SMAD1: variants seen among roughly 807,000 people sequenced by gnomAD.
The protein encoded by SMAD1 is MAD, mothers against decapentaplegic homolog 1.
A neutral mutation model predicts 41.6 loss-of-function variants in SMAD1; 6 were observed. That is an observed-to-expected ratio of 0.14 (90% CI 0.08 to 0.28). SMAD1 has a LOEUF of 0.28. SMAD1 is among the 10% of genes least tolerant of loss of function. SMAD1 has a pLI of 1.00. For synonymous variants in SMAD1, 206 were observed against 203.2 expected (o/e 1.01, Z -0.12); for missense variants, 379 against 582.6 (o/e 0.65, Z 3.60).
chr4:145,533,215 G>A (rs1242722359), intron 2 of SMAD1, among the ~76,000 whole-genome samples: 1 of 152,210 alleles, frequency 6.6e-6, no homozygotes, highest in Non-Finnish European at 1.5e-5. Flanking sequence ...AGCTGTTCCA[G>A]ACCTGTCTCT....
At chr4:145,509,684 A>G (rs190142181) in intron 1 of SMAD1, among the ~76,000 whole-genome samples, 1 of 152,296 alleles carries the variant, frequency 6.6e-6, no homozygotes, top group East Asian at 1.9e-4. Context: ...TCTTTTGCAA[A>G]ACTAACCTTT....
chr4:145,510,979 TCTTA>T (rs1730044584), intron 1 of SMAD1, among the ~76,000 whole-genome samples: 1 of 152,194 alleles, frequency 6.6e-6, no homozygotes, highest in Non-Finnish European at 1.5e-5. Flanking sequence ...TGGTGATACC[TCTTA>T]CTTTTGAAGT....
chr4:145,495,012 G>T (rs936043254), intron 1 of SMAD1, among the ~76,000 whole-genome samples: 2 of 152,174 alleles, frequency 1.3e-5, no homozygotes, highest in Non-Finnish European at 2.9e-5. Context: ...ATAGAAAGCT[G>T]TTGAGGCCTG....
chr4:145,543,870 T>C (rs1732092267), intron 4 of SMAD1, among the ~76,000 whole-genome samples: 1 of 152,224 alleles, frequency 6.6e-6, no homozygotes, highest in African/African-American at 2.4e-5. Flanking sequence ...ATAATGTTTA[T>C]GCAAATTGAA....
intron 2 of SMAD1, among the ~76,000 whole-genome samples, chr4:145,530,245 G>A (rs1276596248): frequency 2.0e-5 from 3 of 152,150 alleles, no homozygotes; most frequent in African/African-American, 7.2e-5. Context: ...TTTCTACCAG[G>A]GGTGGATAGA....
chr4:145,489,908 A>G (rs907150754), intron 1 of SMAD1, among the ~76,000 whole-genome samples: 6 of 152,190 alleles, frequency 3.9e-5, no homozygotes, highest in African/African-American at 1.2e-4. Flanking sequence ...AGGCTGTTTG[A>G]CATAGACCAA....
rs768015552 is a variant in SMAD1 at position 145,542,645 on chromosome 4, C to G, written c.722C>G (p.Pro241Arg). 6.2e-7 allele frequency: 1 copy of G among 1,613,662 alleles called. No homozygotes were observed. The highest frequency in any genetic ancestry group is 8.5e-7 in the Non-Finnish European group (1 of 1,179,822). Residue 241 changes from proline (P) to arginine (R), a missense_variant, in exon 4 of 7, where the codon CCG becomes CGG. Pro to Arg is a moderately radical substitution (Grantham distance 103). Transcript: ENST00000302085. Reference protein sequence around the residue: ...EDPMTQDGSQPMDTNMMAPPL... With the variant: ...EDPMTQDGSQRMDTNMMAPPL... Reference sequence around the variant, plus strand: ...CCCATGACCCAGGATGGCTCTCAGCCGATGGACACAAACATGATGGCGCCT... The same window carrying G: ...CCCATGACCCAGGATGGCTCTCAGCGGATGGACACAAACATGATGGCGCCT...
intron 2 of SMAD1, among the ~76,000 whole-genome samples, chr4:145,523,164 A>G (rs894489327): frequency 6.6e-6 from 1 of 152,246 alleles, no homozygotes; most frequent in Non-Finnish European, 1.5e-5. Flanking sequence ...AAAGCACATG[A>G]TAAACTAACT....
intron 4 of SMAD1, among the ~76,000 whole-genome samples, chr4:145,543,022 T>G (rs547403093): frequency 1.9e-4 from 29 of 152,056 alleles, no homozygotes; most frequent in Non-Finnish European, 3.7e-4. Flanking sequence ...TCACCCAGGC[T>G]GGAGCACGAT....
chr4:145,485,483 T>C (rs1728438804), intron 1 of SMAD1, among the ~76,000 whole-genome samples: 1 of 152,214 alleles, frequency 6.6e-6, no homozygotes, highest in African/African-American at 2.4e-5. Context: ...GCTGCCATAC[T>C]GGACAGCGTG....
chr4:145,515,134 C>T, intron 2 of SMAD1, 121 bp downstream of exon 2: 4 of 534,506 alleles, frequency 7.5e-6, no homozygotes, highest in Non-Finnish European at 1.2e-5. Context: ...TTTGGGGAAA[C>T]TGTGTGTGTG....
chr4:145,480,943 T>C (rs372952026), upstream of SMAD1, among the ~76,000 whole-genome samples: 187 of 147,470 alleles, frequency 1.3e-3, no homozygotes, highest in African/African-American at 4.7e-3. Context: ...TTTTGCTTCA[T>C]GTGAAATTTA....
At position 145,481,971 on chromosome 4, in the gene SMAD1, C is replaced by T; in HGVS notation, c.-244C>T. 6.6e-6 allele frequency: 1 copy of T among 152,196 alleles called. No homozygotes were observed. Among genetic ancestry groups the T allele is most frequent in the Non-Finnish European group, 1.5e-5 (1 of 68,078 alleles). The allele number at this position is 152,196 out of a possible 1,614,324, so 9.4% of individuals were successfully genotyped here. ...GTGGCGCAGCGCCCGGCCGTCCGGA[C>T]CCGGGCCGCGAGACCCCGCTCGCCC... is the stretch of plus-strand genomic sequence containing the variant. On this transcript the variant is annotated 5_prime_UTR_variant, in exon 1 of 7. Coordinates refer to ENST00000302085, the MANE Select transcript of SMAD1 (RefSeq NM_005900.3).
chr4:145,515,141 T>A (rs539586240), intron 2 of SMAD1, 128 bp downstream of exon 2: 26 of 578,664 alleles, frequency 4.5e-5, no homozygotes, highest in East Asian at 4.4e-4. Flanking sequence ...AAACTGTGTG[T>A]GTGTGTGTGT....
intron 2 of SMAD1, among the ~76,000 whole-genome samples, chr4:145,529,650 G>A (rs1731218057): frequency 6.6e-6 from 1 of 152,154 alleles, no homozygotes; most frequent in Non-Finnish European, 1.5e-5. Context: ...ATGTCATTTG[G>A]ATTTATATCT....
chr4:145,522,089 C>T (rs866322697), intron 2 of SMAD1, among the ~76,000 whole-genome samples: 3 of 149,852 alleles, frequency 2.0e-5, no homozygotes, highest in Admixed American at 6.6e-5. Context: ...GGGCGGATCA[C>T]GAGGTGACCA....
chr4:145,498,469 G>A (rs1246466163), intron 1 of SMAD1, among the ~76,000 whole-genome samples: 2 of 152,058 alleles, frequency 1.3e-5, no homozygotes, highest in African/African-American at 4.8e-5. Context: ...GAGCCATGTA[G>A]AAATAACTCT....
At chr4:145,525,804 A>G (rs1480398320) in intron 2 of SMAD1, 4 of 152,370 alleles carry the variant, frequency 2.6e-5, no homozygotes, top group Admixed American at 6.5e-5. Context: ...ACATAAAACT[A>G]TGTAACTAGA....
chr4:145,516,216 A>G (rs1224265871), intron 2 of SMAD1, among the ~76,000 whole-genome samples: 8 of 152,198 alleles, frequency 5.3e-5, no homozygotes, highest in African/African-American at 1.9e-4. Flanking sequence ...CTGTTATTAC[A>G]TATGTATGAG....
Sources: allele counts gnomAD v4.1 joint callset (sites outside exome capture counted in the v4.1 genomes callset), GRCh38; gene constraint gnomAD v4.1.1; transcripts MANE v1.5; gene names NCBI Gene and HGNC (gene_info 2026-07-23, HGNC 2026-07-21).